The following BACH2 variants were observed in gnomAD, a reference collection of about 807,000 sequenced individuals.
BACH2 encodes the protein BACH transcriptional regulator 2.
A neutral mutation model predicts 61.8 loss-of-function variants in BACH2; 5 were observed. The ratio of observed to expected loss-of-function variants is 0.08; its 90% confidence interval spans 0.04 to 0.17. The LOEUF is 0.17. Ranked by LOEUF, BACH2 falls within the 10% of genes least tolerant of loss-of-function variation. The probability of loss-of-function intolerance (pLI) is 1.00; values close to 1 mark genes in which losing one functional copy is unlikely to be tolerated. For synonymous variants in BACH2, 446 were observed against 440.1 expected, an observed-to-expected ratio of 1.01 and a Z score of -0.17; for missense variants, 824 against 1,091.1, an observed-to-expected ratio of 0.76 and a Z score of 3.45.
At position 90,047,546 on chromosome 6, in the gene BACH2, C is replaced by G. The variant is rs796125627; in HGVS notation, c.-12-38690G>C. Among the ~76,000 whole-genome samples, 12 of 152,300 alleles carry G rather than the reference C, an allele frequency of 7.9e-5. 1 individual carries two copies. The highest frequency in any genetic ancestry group is 2.9e-4 in the African/African-American group (12 of 41,566). On this transcript the variant is annotated intron_variant, in intron 5 of 8. Transcript: ENST00000257749. ...CATTTCCCCGAATCACTTCTTTCCT[C>G]TACTCATACAGTATCCTTGATGAAG...
At chr6:90,196,987 G>A (rs1768782870) in intron 4 of BACH2, among the ~76,000 whole-genome samples, 1 of 152,138 alleles carries the variant, frequency 6.6e-6, no homozygotes, top group South Asian at 2.1e-4. Context: ...AACAGTAACT[G>A]AGGAGTTTCT....
chr6:90,086,807 CCTT>C (rs1399231277), intron 5 of BACH2, among the ~76,000 whole-genome samples: 1 of 152,324 alleles, frequency 6.6e-6, no homozygotes, highest in Admixed American at 6.5e-5. Flanking sequence ...GATCCAACCT[CCTT>C]CTTTCACTTT....
intron 4 of BACH2, among the ~76,000 whole-genome samples, chr6:90,168,000 C>T (rs550280618): frequency 2.0e-5 from 3 of 152,240 alleles, no homozygotes; most frequent in African/African-American, 7.2e-5. Flanking sequence ...GGAATCTAGC[C>T]TAAGGAATCA....
chr6:89,994,644 C>T (rs984076921), intron 6 of BACH2, among the ~76,000 whole-genome samples: 1 of 152,138 alleles, frequency 6.6e-6, no homozygotes, highest in African/African-American at 2.4e-5. Flanking sequence ...AGAGAGAAAT[C>T]CCATGGGGCA....
chr6:90,296,193 G>A (rs1772373455), intron 1 of BACH2, among the ~76,000 whole-genome samples: 1 of 151,974 alleles, frequency 6.6e-6, no homozygotes, highest in Non-Finnish European at 1.5e-5. Context: ...ACCCTTCGAC[G>A]CCAGCAAAAT....
chr6:90,054,212 T>G (rs548739886), intron 5 of BACH2, among the ~76,000 whole-genome samples: 19 of 152,166 alleles, frequency 1.2e-4, no homozygotes, highest in South Asian at 2.1e-4. Context: ...AATTCCCTTT[T>G]GTAGTCAAAG....
At chr6:89,992,744 A>G (rs1776646977) in intron 6 of BACH2, among the ~76,000 whole-genome samples, 1 of 152,208 alleles carries the variant, frequency 6.6e-6, no homozygotes, top group South Asian at 2.1e-4. Flanking sequence ...TACACAGTAC[A>G]TGATTGATTG....
chr6:89,967,153 G>C (rs1775089767), intron 6 of BACH2, among the ~76,000 whole-genome samples: 1 of 152,210 alleles, frequency 6.6e-6, no homozygotes, highest in African/African-American at 2.4e-5. Flanking sequence ...GTAAGTCACA[G>C]GTGCTTCAGA....
intron 6 of BACH2, among the ~76,000 whole-genome samples, chr6:90,000,066 G>A (rs1777054478): frequency 6.6e-6 from 1 of 152,194 alleles, no homozygotes; most frequent in Non-Finnish European, 1.5e-5. Flanking sequence ...TTTAAAAAAT[G>A]TAAGAGGTTT....
At chr6:90,263,689 C>G (rs1278378764) in intron 2 of BACH2, among the ~76,000 whole-genome samples, 1 of 152,098 alleles carries the variant, frequency 6.6e-6, no homozygotes, top group Non-Finnish European at 1.5e-5. Flanking sequence ...TAACATTTTG[C>G]CAAGCCTGTA....
chr6:90,061,477 C>T (rs1165769752), intron 5 of BACH2, among the ~76,000 whole-genome samples: 2 of 152,064 alleles, frequency 1.3e-5, no homozygotes, highest in East Asian at 1.9e-4. Context: ...AAATGATTAT[C>T]AAACATCCAA....
At chr6:90,244,544 C>G (rs574320748) in intron 3 of BACH2, among the ~76,000 whole-genome samples, 2 of 152,292 alleles carry the variant, frequency 1.3e-5, no homozygotes, top group South Asian at 4.1e-4. Context: ...TTAGTATCAG[C>G]TGCTTCTGGG....
At chr6:90,196,784 A>C (rs1768775201) in intron 4 of BACH2, among the ~76,000 whole-genome samples, 1 of 152,208 alleles carries the variant, frequency 6.6e-6, no homozygotes, top group South Asian at 2.1e-4. Flanking sequence ...AACTGAAACT[A>C]GCCTCAAGAT....
chr6:89,970,541 G>A (rs1183580670), intron 6 of BACH2, among the ~76,000 whole-genome samples: 1 of 152,162 alleles, frequency 6.6e-6, no homozygotes, highest in Non-Finnish European at 1.5e-5. Flanking sequence ...ATAATATCAG[G>A]TGTTTTTTAT....
chr6:90,178,924 T>C (rs1426143104), intron 4 of BACH2, among the ~76,000 whole-genome samples: 3 of 152,192 alleles, frequency 2.0e-5, no homozygotes, highest in Non-Finnish European at 4.4e-5. Flanking sequence ...GGACCACATA[T>C]GCACATGTAG....
chr6:90,071,275 T>G (rs757381608), intron 5 of BACH2, among the ~76,000 whole-genome samples: 4 of 152,236 alleles, frequency 2.6e-5, no homozygotes, highest in Non-Finnish European at 5.9e-5. Flanking sequence ...TAGGATAATG[T>G]TAACTTTTTC....
chr6:90,087,938 T>C (rs1485345698), intron 5 of BACH2, among the ~76,000 whole-genome samples: 1 of 152,068 alleles, frequency 6.6e-6, no homozygotes, highest in Non-Finnish European at 1.5e-5. Context: ...ATAGTCACTC[T>C]ACTGTACTAT....
At chr6:89,992,566 C>T (rs539497812) in intron 6 of BACH2, among the ~76,000 whole-genome samples, 2 of 152,202 alleles carry the variant, frequency 1.3e-5, no homozygotes, top group South Asian at 2.1e-4. Flanking sequence ...CACCTGAACC[C>T]GGGAGGTGGA....
At chr6:90,125,213 A>G (rs182220269) in intron 4 of BACH2, among the ~76,000 whole-genome samples, 1 of 152,330 alleles carries the variant, frequency 6.6e-6, no homozygotes, top group African/African-American at 2.4e-5. Flanking sequence ...TAATCAAAAG[A>G]TTAGTTTGTG....
Sources: allele counts gnomAD v4.1 joint callset (sites outside exome capture counted in the v4.1 genomes callset), GRCh38; gene constraint gnomAD v4.1.1; transcripts MANE v1.5; gene names NCBI Gene and HGNC (gene_info 2026-07-23, HGNC 2026-07-21).